Variants in PCDH15 observed in about 807,000 individuals in gnomAD.
PCDH15 encodes protocadherin-15.
In PCDH15, 129 loss-of-function variants were observed where a neutral mutation model predicts 178.5. The ratio of observed to expected loss-of-function variants is 0.72; its 90% confidence interval spans 0.63 to 0.84. The LOEUF (loss-of-function observed/expected upper bound fraction) is 0.84, where lower values mean the gene tolerates loss of function less well. Ranked by LOEUF, PCDH15 falls within the 40% of genes least tolerant of loss-of-function variation. The probability of loss-of-function intolerance (pLI) is 0.00; values close to 1 mark genes in which losing one functional copy is unlikely to be tolerated. For missense variants in PCDH15, 2,230 were observed against 2,099.9 expected, an observed-to-expected ratio of 1.06 and a Z score of -1.21; for synonymous variants, 800 against 732.0, an observed-to-expected ratio of 1.09 and a Z score of -1.50.
At chr10:55,159,688 A>T (rs1333342129) in intron 2 of PCDH15, among the ~76,000 whole-genome samples, 1 of 147,760 alleles carries the variant, frequency 6.8e-6, no homozygotes, top group Non-Finnish European at 1.5e-5. Context: ...AAAGAGATAT[A>T]TTTCTTAAGA....
rs540985146 is a variant in PCDH15, at chr10:54,439,243, A to G, written c.158-60301T>C. ...ATGTTAGTTGACATGTGGCTAAATA[A>G]ACTTAAAGTTTAAGAAAGATAAGAA... On this transcript the variant is annotated intron_variant, in intron 3 of 37. Transcript: ENST00000644397. 1.8e-4 allele frequency among the ~76,000 whole-genome samples: 27 copies of G among 152,214 alleles called. No individual in the cohort carries two copies. The South Asian group carries it at 5.6e-3, about 32-fold the overall frequency.
intron 1 of PCDH15, among the ~76,000 whole-genome samples, chr10:55,259,727 AC>A (rs1276019901): frequency 6.6e-6 from 1 of 151,616 alleles, no homozygotes; most frequent in African/African-American, 2.4e-5. Flanking sequence ...ACATGGAGAA[AC>A]CCCGTCTCTA....
rs377406017 is a variant in PCDH15 at position 55,207,128 on chromosome 10, G to C, written c.-155-40477C>G. On this transcript the variant is annotated intron_variant, in intron 1 of 5. Transcript: ENST00000458638. ...GACTCTTTGCCATCAGAAGTCGGGA[G>C]TAATTACTTCTCTGAAAAACTTTGT... Among the ~76,000 whole-genome samples the C allele has an allele frequency of 3.1e-4, 47 of 152,134 alleles. 1 individual carries two copies. Among genetic ancestry groups the C allele is most frequent in the African/African-American group, 1.1e-3 (45 of 41,462 alleles).
At chr10:54,090,137 CT>C in intron 15 of PCDH15, 74 bp from the exon 16 acceptor site, 1 of 1,152,458 alleles carries the variant, frequency 8.7e-7, no homozygotes, top group Non-Finnish European at 1.3e-6. Flanking sequence ...AATATAAAAG[CT>C]TGAAACTAAT....
intron 2 of PCDH15, among the ~76,000 whole-genome samples, chr10:55,394,315 T>A (rs1326701826): frequency 1.3e-5 from 2 of 152,052 alleles, no homozygotes; most frequent in Non-Finnish European, 2.9e-5. Flanking sequence ...TGTTTCTTGA[T>A]GCTCTTTTTT....
At position 54,247,361 on chromosome 10, in the gene PCDH15, G is replaced by T. The variant is rs2132024613; in HGVS notation, c.877-10430C>A. On this transcript the variant is annotated intron_variant, in intron 8 of 37. Transcript: ENST00000644397. ...ATTTTCTTTTATATCTGTAGGACCA[G>T]ACAGTACATATGGCACACGGAGACT... 2.6e-5 allele frequency among the ~76,000 whole-genome samples: 4 copies of T among 152,102 alleles called. No homozygotes were observed. In the South Asian group the frequency reaches 8.3e-4, roughly 31 times the overall value.
intron 8 of PCDH15, among the ~76,000 whole-genome samples, chr10:54,294,505 G>A (rs958909162): frequency 6.6e-5 from 10 of 151,998 alleles, no homozygotes; most frequent in African/African-American, 1.5e-4. Flanking sequence ...TAGATATAAC[G>A]CATGTTACTA....
intron 8 of PCDH15, among the ~76,000 whole-genome samples, chr10:54,273,356 A>C (rs542659222): frequency 4.2e-5 from 6 of 141,894 alleles, no homozygotes; most frequent in African/African-American, 1.5e-4. Context: ...ATCAAAGAGA[A>C]AAAAGGAAGT....
intron 37 of PCDH15, chr10:53,808,335 T>C (rs930189389): frequency 2.1e-6 from 1 of 468,786 alleles, no homozygotes; most frequent in Non-Finnish European, 2.8e-6. Flanking sequence ...TGTGTGTATA[T>C]ATATATATAT....
intron 26 of PCDH15, among the ~76,000 whole-genome samples, chr10:53,886,336 T>C (rs761401568): frequency 1.3e-5 from 2 of 152,186 alleles, no homozygotes; most frequent in Non-Finnish European, 2.9e-5. Context: ...CATGGTTAAA[T>C]AAAACCTCAC....
intron 21 of PCDH15, among the ~76,000 whole-genome samples, chr10:53,991,949 C>G (rs1037803408): frequency 3.3e-5 from 5 of 152,126 alleles, no homozygotes; most frequent in Admixed American, 1.3e-4. Context: ...CCAGCAGCCG[C>G]AACCCGCTCG....
chr10:53,857,245 G>A lies in PCDH15; in HGVS notation c.3736C>T (p.Leu1246=), dbSNP rs2078811943. 6.2e-7 allele frequency: 1 copy of A among 1,611,082 alleles called. No individual in the cohort carries two copies. The highest frequency in any genetic ancestry group is 8.5e-7 in the Non-Finnish European group (1 of 1,177,784). Residue 1246 remains leucine, a synonymous_variant, in exon 28 of 38, where the codon CTG becomes TTG. Coordinates refer to ENST00000644397, the MANE Select transcript of PCDH15 (RefSeq NM_001384140.1). ...TTGGAAACAATGACTTGCATATCCA[G>A]CTGATTGACCACGGAGACCTGAAAG... The part of the protein sequence containing the change: ...ADVLVSVVNQ[L]DMQVIVSNVP...
chr10:54,922,943 G>A (rs546731091), intron 2 of PCDH15, among the ~76,000 whole-genome samples: 17 of 152,246 alleles, frequency 1.1e-4, no homozygotes, highest in African/African-American at 1.7e-4. Context: ...CTGTGTGGGC[G>A]CTCCAACCCC....
intron 1 of PCDH15, among the ~76,000 whole-genome samples, chr10:54,759,886 C>T (rs1037049579): frequency 2.0e-5 from 3 of 152,114 alleles, no homozygotes; most frequent in African/African-American, 7.2e-5. Flanking sequence ...CACTACTATG[C>T]CCTGAGCAAA....
intron 10 of PCDH15, among the ~76,000 whole-genome samples, chr10:54,205,251 C>G (rs956370560): frequency 1.3e-5 from 2 of 152,056 alleles, no homozygotes; most frequent in African/African-American, 4.8e-5. Flanking sequence ...CTAAAAAAGC[C>G]TAGGGTGAGC....
rs1355278103 is a variant in PCDH15, at chr10:54,162,566, A to G, written c.1591-9273T>C. Among the ~76,000 whole-genome samples the G allele has an allele frequency of 2.6e-5, 4 of 152,322 alleles. No homozygotes were observed. In the East Asian group the frequency reaches 7.7e-4, roughly 29 times the overall value. ...TCCTCTGAGAGAACATTTTATAGCA[A>G]GAGTATAATCTTCTTAGCAGCTCCC... On this transcript the variant is annotated intron_variant, in intron 13 of 37. Transcript: ENST00000644397.
At position 54,505,463 on chromosome 10, in the gene PCDH15, T is replaced by C. The variant is rs143203885; in HGVS notation, c.157+22349A>G. 6.4e-3 allele frequency among the ~76,000 whole-genome samples: 969 copies of C among 152,292 alleles called. 10 individuals carry two copies. The highest frequency in any genetic ancestry group is 0.024 in the Middle Eastern group (7 of 294). ...CCAAAACATGTCCCCCTTCAAGTTC[T>C]ATCTGCTTTGGACATCCAAATACAA... On this transcript the variant is annotated intron_variant, in intron 3 of 37. Transcript: ENST00000644397.
intron 13 of PCDH15, among the ~76,000 whole-genome samples, chr10:54,170,054 C>G (rs977548885): frequency 1.4e-5 from 2 of 143,682 alleles, no homozygotes; most frequent in African/African-American, 5.4e-5. Flanking sequence ...AGCCTCTCTT[C>G]GCTTTCACTT....
chr10:55,349,715 T>G (rs1363153554), intron 2 of PCDH15, among the ~76,000 whole-genome samples: 2 of 152,200 alleles, frequency 1.3e-5, no homozygotes, highest in Non-Finnish European at 2.9e-5. Flanking sequence ...AAGCAAAATA[T>G]TTATAAAGAT....
Sources: allele counts gnomAD v4.1 joint callset (sites outside exome capture counted in the v4.1 genomes callset), GRCh38; gene constraint gnomAD v4.1.1; transcripts MANE v1.5; gene names NCBI Gene and HGNC (gene_info 2026-07-23, HGNC 2026-07-21).